The following ZZEF1 variants were observed in gnomAD, a reference collection of about 807,000 sequenced individuals.
ZZEF1 encodes zinc finger ZZ-type and EF-hand domain containing 1.
ZZEF1 carries 157 observed loss-of-function variants against 342.8 expected under a neutral mutation model. The observed-to-expected ratio is 0.46, with a 90% CI of 0.40 to 0.52. ZZEF1 has a LOEUF of 0.52. ZZEF1 is among the 20% of genes least tolerant of loss of function. The pLI is 0.00. For synonymous variants in ZZEF1, 1,505 were observed against 1,429.1 expected, an observed-to-expected ratio of 1.05 and a Z score of -1.20; for missense variants, 3,480 against 3,725.6, an observed-to-expected ratio of 0.93 and a Z score of 1.72.
In ZZEF1 at chr17:4,104,619, T is replaced by C; in HGVS notation, c.1573+14A>G. On this transcript the variant is annotated intron_variant, in intron 8 of 54. Coordinates refer to ENST00000381638, the MANE Select transcript of ZZEF1 (RefSeq NM_015113.4). ...GTTGACATTTCTATCACCCCCATGTTTTACCATATTTACCATATTTGAGGA... is the reference window on the plus strand; with the variant it reads ...GTTGACATTTCTATCACCCCCATGTCTTACCATATTTACCATATTTGAGGA... 14 of 1,612,360 alleles carry C rather than the reference T, an allele frequency of 8.7e-6. No individual in the cohort carries two copies. Among genetic ancestry groups the C allele is most frequent in the Non-Finnish European group, 1.2e-5 (14 of 1,179,454 alleles).
At chr17:4,080,686 G>A (rs767371949) in intron 18 of ZZEF1, among the ~76,000 whole-genome samples, 9 of 152,040 alleles carry the variant, frequency 5.9e-5, no homozygotes, top group Admixed American at 1.3e-4. Flanking sequence ...CACTGTGACC[G>A]GTCCTGAATT....
At chr17:4,044,141 C>G in intron 38 of ZZEF1, 83 bp downstream of exon 38, 1 of 1,495,924 alleles carries the variant, frequency 6.7e-7, no homozygotes. Context: ...CAATGTCAAG[C>G]TGTGTGCCAC....
At chr17:4,011,190 T>C (rs938624) in intron 52 of ZZEF1, among the ~76,000 whole-genome samples, 42,136 of 151,834 alleles carry the variant, frequency 0.28, 7,390 homozygotes, top group African/African-American at 0.5. Flanking sequence ...TTGCTTGATC[T>C]CAGGAATTTG....
At position 4,060,976 on chromosome 17, in the gene ZZEF1, C is replaced by G. The variant is rs544022083; in HGVS notation, c.4884-1686G>C. Among the ~76,000 whole-genome samples, 4 of 152,342 alleles carry G rather than the reference C, an allele frequency of 2.6e-5. No individual in the cohort carries two copies. In the East Asian group the frequency reaches 7.7e-4, roughly 29 times the overall value. ...CCACCAACACACAGAAGTACTCTTA[C>G]ATCTCTTTGAAACCCTCAGTTGACC... On this transcript the variant is annotated intron_variant, in intron 30 of 54. Transcript: ENST00000381638.
intron 11 of ZZEF1, among the ~76,000 whole-genome samples, chr17:4,091,678 G>A (rs184883184): frequency 6.6e-6 from 1 of 151,032 alleles, no homozygotes; most frequent in African/African-American, 2.4e-5. Context: ...TCAGGAGGCT[G>A]AGGCAGGGGA....
At chr17:4,134,826 G>A (rs7220306) in intron 1 of ZZEF1, among the ~76,000 whole-genome samples, 1 of 151,960 alleles carries the variant, frequency 6.6e-6, no homozygotes, top group African/African-American at 2.4e-5. Flanking sequence ...TAGGGGAAAT[G>A]GCCCAGAAAA....
At chr17:4,032,448 G>A (rs1390867785) in intron 41 of ZZEF1, among the ~76,000 whole-genome samples, 190 bp from the exon 42 acceptor site, 1 of 152,184 alleles carries the variant, frequency 6.6e-6, no homozygotes, top group East Asian at 1.9e-4. Flanking sequence ...GTCCTTGCTG[G>A]ATGAGGCCAT....
Position 4,125,491 on chromosome 17 carries a change from A to C in ZZEF1, c.355-1440T>G, listed in dbSNP as rs926840275. 2.0e-5 allele frequency among the ~76,000 whole-genome samples: 3 copies of C among 152,220 alleles called. No homozygotes were observed. In the South Asian group the frequency reaches 6.2e-4, roughly 31 times the overall value. On this transcript the variant is annotated intron_variant, in intron 1 of 54. Coordinates refer to ENST00000381638, the MANE Select transcript of ZZEF1 (RefSeq NM_015113.4). ...AAAAACCATGGGCATAAATGCAGTAATGGGGACAGTCAGCTTAGAAGCAGC... is the reference window on the plus strand; with the variant it reads ...AAAAACCATGGGCATAAATGCAGTACTGGGGACAGTCAGCTTAGAAGCAGC...
At chr17:4,072,489 A>G in intron 25 of ZZEF1, 119 bp downstream of exon 25, 1 of 1,259,218 alleles carries the variant, frequency 7.9e-7, no homozygotes, top group Non-Finnish European at 1.1e-6. Flanking sequence ...TTCTGGCCTC[A>G]AGGAGCTAAC....
rs2056040693 is a variant in ZZEF1, at chr17:4,014,192, G to A, written c.8315-4C>T. 4 of 1,614,108 alleles carry A rather than the reference G, an allele frequency of 2.5e-6. No individual in the cohort carries two copies. The East Asian group carries it at 8.9e-5, about 36-fold the overall frequency. ...AAGCGGTAATACAGAGTGTCTCCTA[G>A]GCACACAAGGATCAGAGGCCCATCA... On this transcript the variant is annotated splice_region_variant and splice_polypyrimidine_tract_variant and intron_variant, in intron 50 of 54. Coordinates refer to ENST00000381638, the MANE Select transcript of ZZEF1 (RefSeq NM_015113.4). The surrounding 1 kb of genome is among the most constrained non-coding windows in gnomAD (Gnocchi z 4.4).
At chr17:4,050,585 T>C (rs1174753321) in intron 36 of ZZEF1, among the ~76,000 whole-genome samples, 196 bp downstream of exon 36, 1 of 152,256 alleles carries the variant, frequency 6.6e-6, no homozygotes, top group Non-Finnish European at 1.5e-5. Flanking sequence ...AGAAATTAAA[T>C]GTTGAACTTC....
Position 4,008,973 on chromosome 17 carries a change from G to T in ZZEF1, c.8734-19C>A. The T allele has an allele frequency of 6.5e-7, 1 of 1,538,548 alleles. No homozygotes were observed. On this transcript the variant is annotated intron_variant, in intron 53 of 54. Transcript: ENST00000381638. The surrounding 1 kb of genome is among the most constrained non-coding windows in gnomAD (Gnocchi z 4.2). ...CAAGCTCCTGCAGAGAGAGAGCAGG[G>T]GCTGTGAGTGACAGCGCCAGATGCG... is the stretch of plus-strand genomic sequence containing the variant.
At chr17:4,033,107 TC>T in intron 40 of ZZEF1, 105 bp from the exon 41 acceptor site, 1 of 1,115,962 alleles carries the variant, frequency 9.0e-7, no homozygotes, top group Non-Finnish European at 1.2e-6. Context: ...AAAGAGCCAT[TC>T]ATTAACTAGC....
intron 53 of ZZEF1, 40 bp downstream of exon 53, chr17:4,009,564 A>T: frequency 6.2e-7 from 1 of 1,609,582 alleles, no homozygotes; most frequent in Non-Finnish European, 8.5e-7. Flanking sequence ...GCAAACGCAC[A>T]TGGAGGCACC....
chr17:4,064,172 T>G (rs1451365129), intron 29 of ZZEF1, among the ~76,000 whole-genome samples, 189 bp downstream of exon 29: 1 of 151,394 alleles, frequency 6.6e-6, no homozygotes, highest in Non-Finnish European at 1.5e-5. Flanking sequence ...TGAATCACCG[T>G]GCCCACCCAA....
At chr17:4,007,747 G>A (rs1322678116) in intron 54 of ZZEF1, among the ~76,000 whole-genome samples, 3 of 152,176 alleles carry the variant, frequency 2.0e-5, no homozygotes, top group Non-Finnish European at 4.4e-5. Context: ...AAACTCTTCG[G>A]TATGGGCTGG....
At chr17:4,029,849 G>A (rs1244629810) in intron 42 of ZZEF1, among the ~76,000 whole-genome samples, 3 of 147,334 alleles carry the variant, frequency 2.0e-5, no homozygotes, top group Admixed American at 6.8e-5. Context: ...ACTCCAGCCT[G>A]GGCAACAAGA....
chr17:4,048,483 A>G (rs1463166136), intron 37 of ZZEF1, among the ~76,000 whole-genome samples: 1 of 152,170 alleles, frequency 6.6e-6, no homozygotes, highest in Admixed American at 6.5e-5. Flanking sequence ...CAGCAGAAAC[A>G]CAAGCTCTGG....
At chr17:4,076,254 C>T (rs892241630) in intron 21 of ZZEF1, 1 of 152,122 alleles carries the variant, frequency 6.6e-6, no homozygotes, top group African/African-American at 2.5e-5. Context: ...GCCTCAGCCT[C>T]CCGAGTAGCT....
Sources: allele counts gnomAD v4.1 joint callset (sites outside exome capture counted in the v4.1 genomes callset), GRCh38; gene constraint gnomAD v4.1.1; non-coding constraint Gnocchi (gnomAD v3.1); transcripts MANE v1.5; gene names NCBI Gene and HGNC (gene_info 2026-07-23, HGNC 2026-07-21).